Variants in NDUFS1 observed in about 807,000 individuals in gnomAD.
NDUFS1 encodes the protein NADH:ubiquinone oxidoreductase core subunit S1.
NDUFS1 carries 61 observed loss-of-function variants against 84.4 expected under a neutral mutation model. That is an observed-to-expected ratio of 0.72 (90% CI 0.59 to 0.89). The LOEUF (loss-of-function observed/expected upper bound fraction) is 0.89. Among genes scored for constraint, NDUFS1 ranks in the 40% least tolerant of loss-of-function variants. The pLI is 0.00. For synonymous variants in NDUFS1, 275 were observed against 290.0 expected (o/e 0.95, Z 0.53); for missense variants, 891 against 890.0 (o/e 1.00, Z -0.01).
At chr2:206,147,235 AT>A in intron 7 of NDUFS1, 147 bp from the exon 8 acceptor site, 1 of 896,866 alleles carries the variant, frequency 1.1e-6, no homozygotes, top group East Asian at 2.6e-5. Context: ...ATAAAAAATA[AT>A]GAAATGTTTG....
intron 3 of NDUFS1, among the ~76,000 whole-genome samples, chr2:206,152,172 T>C (rs1692395364): frequency 6.6e-6 from 1 of 152,146 alleles, no homozygotes; most frequent in Admixed American, 6.5e-5. Flanking sequence ...TCAAATTTCT[T>C]AATGGGTATT....
Position 206,146,923 on chromosome 2 carries a change from A to G in NDUFS1, c.717T>C (p.Thr239=), listed in dbSNP as rs1239008798. ...GALTSKPYAF[T]ARPWETRKTE... The stretch of plus-strand genomic sequence containing the variant: ...GATACCTTGTTTCCCAAGGCCGGGC[A>G]GTAAAGGCATAGGGCTTAGAGGTTA... Residue 239 remains threonine, a synonymous_variant, in exon 8 of 19, where the codon ACT becomes ACC. Transcript: ENST00000233190. 1.2e-6 allele frequency: 2 copies of G among 1,614,018 alleles called. No homozygotes were observed. Among genetic ancestry groups the G allele is most frequent in the Non-Finnish European group, 1.7e-6 (2 of 1,179,980 alleles).
chr2:206,117,020 G>GA lies in NDUFS1; in HGVS notation c.*7164dup, dbSNP rs977909996. 3.3e-4 allele frequency: 49 copies of GA among 148,768 alleles called. No individual in the cohort carries two copies. The highest frequency in any genetic ancestry group is 4.6e-4 in the Non-Finnish European group (31 of 67,046). 9.2% of individuals were successfully genotyped at this position (148,768 alleles called of 1,614,324 possible). A position where few individuals can be genotyped will look rare whatever the true frequency, so the allele number is the denominator to read the frequency against. ...GGCGACAAACTGAGACTCCGTCTCA[G>GA]AAAAAAAAAATAAATAAATAAAAAT... On this transcript the variant is annotated 3_prime_UTR_variant, in exon 19 of 19. Transcript: ENST00000233190.
intron 2 of NDUFS1, 111 bp from the exon 3 acceptor site, chr2:206,152,621 T>C (rs926519107): frequency 1.2e-6 from 1 of 853,672 alleles, no homozygotes; most frequent in Non-Finnish European, 2.0e-6. Flanking sequence ...TCCTTATTAT[T>C]CCTCTGTATT....
At chr2:206,129,425 G>A (rs1452632993) in intron 15 of NDUFS1, among the ~76,000 whole-genome samples, 1 of 151,904 alleles carries the variant, frequency 6.6e-6, no homozygotes, top group Non-Finnish European at 1.5e-5. Context: ...AACACGCCTA[G>A]CTAATTTTTA....
Position 206,116,449 on chromosome 2 carries a change from C to T in NDUFS1, c.*7736G>A. On this transcript the variant is annotated 3_prime_UTR_variant, in exon 19 of 19. Transcript: ENST00000233190. ...CAGGGCGCGGCAGGTGCCAGGACCA[C>T]GTGCAGGCTGCAGAGCACGGCCCGC... is the stretch of plus-strand genomic sequence containing the variant. 5.1e-6 allele frequency: 5 copies of T among 974,136 alleles called. No individual in the cohort carries two copies. The highest frequency in any genetic ancestry group is 1.4e-5 in the South Asian group (1 of 72,786). The allele number at this position is 974,136 out of a possible 1,614,324, so 60.3% of individuals were successfully genotyped here.
intron 3 of NDUFS1, among the ~76,000 whole-genome samples, chr2:206,150,468 C>T (rs1005629829): frequency 2.6e-5 from 4 of 152,174 alleles, no homozygotes; most frequent in Non-Finnish European, 4.4e-5. Context: ...TTTCTTCCTC[C>T]TTTTAGTCTA....
rs1690940263 is a variant in NDUFS1 at position 206,116,288 on chromosome 2, G to A, written c.*7897C>T. The A allele has an allele frequency of 1.1e-6, 1 of 943,958 alleles. No homozygotes were observed. The allele number at this position is 943,958 out of a possible 1,614,324, so 58.5% of individuals were successfully genotyped here. On this transcript the variant is annotated 3_prime_UTR_variant, in exon 19 of 19. Transcript: ENST00000233190. ...AATTTCGGTTACTTCTCCTGATAAA[G>A]GAGAATAGAGTTCACTAGCAGCTTT... is the stretch of plus-strand genomic sequence containing the variant.
rs1690954632 is a variant in NDUFS1 at position 206,116,722 on chromosome 2, A to G, written c.*7463T>C. The G allele has an allele frequency of 7.5e-6, 2 of 267,740 alleles. No individual in the cohort carries two copies. Among genetic ancestry groups the G allele is most frequent in the Non-Finnish European group, 1.4e-5 (2 of 138,392 alleles). 16.6% of individuals were successfully genotyped at this position (267,740 alleles called of 1,614,324 possible). On this transcript the variant is annotated 3_prime_UTR_variant, in exon 19 of 19. Coordinates refer to ENST00000233190, the MANE Select transcript of NDUFS1 (RefSeq NM_005006.7). The stretch of plus-strand genomic sequence containing the variant: ...GCAACATAGTGAGACCTGTCTCTAT[A>G]AAATATTTTTAAAAATTAGCTGGGC...
chr2:206,139,216 C>T (rs1193746488), intron 12 of NDUFS1, among the ~76,000 whole-genome samples: 1 of 151,966 alleles, frequency 6.6e-6, no homozygotes, highest in Non-Finnish European at 1.5e-5. Context: ...GAGAGAGTCT[C>T]ACTCTGTCAC....
chr2:206,133,979 A>AAAAAC (rs890840769), intron 13 of NDUFS1, among the ~76,000 whole-genome samples: 6 of 152,186 alleles, frequency 3.9e-5, no homozygotes, highest in South Asian at 2.1e-4. Flanking sequence ...ACTCTGTCTC[A>AAAAAC]AAAACAAAAC....
intron 13 of NDUFS1, among the ~76,000 whole-genome samples, chr2:206,135,368 T>C (rs1691666773): frequency 1.3e-5 from 2 of 151,978 alleles, no homozygotes; most frequent in South Asian, 2.1e-4. Flanking sequence ...TGTATTTAAA[T>C]CTATTATAGA....
chr2:206,138,511 CA>C lies in NDUFS1; in HGVS notation c.1365del (p.Ile455MetfsTer12). On this transcript the variant is annotated frameshift_variant, in exon 13 of 19. Transcript: ENST00000233190. LOFTEE classifies it high-confidence loss of function. Reference protein sequence around the residue: ...LGDSPKILQDIASGSHPFSQV... With the variant: ...LGDSPKILQDXASGSHPFSQV... ...TGGCTAAATGGATGGCTTCCCGAAG[CA>C]ATGTCTTGAAGAATTTTGGGGGAGT... 6.2e-7 allele frequency: 1 copy of C among 1,614,096 alleles called. No individual in the cohort carries two copies.
intron 10 of NDUFS1, among the ~76,000 whole-genome samples, chr2:206,143,741 A>G (rs1461773748): frequency 6.6e-6 from 1 of 152,130 alleles, no homozygotes; most frequent in African/African-American, 2.4e-5. Context: ...TACTCCTTAT[A>G]TAATTACTCA....
chr2:206,159,346 C>A lies in NDUFS1; in HGVS notation c.-10G>T. Reference sequence around the variant, plus strand: ...CCATCCATACAAGACCTCACCTTCTCCCCGGAGCCGCGGAGGCTGTTCTGC... The same window carrying A: ...CCATCCATACAAGACCTCACCTTCTACCCGGAGCCGCGGAGGCTGTTCTGC... On this transcript the variant is annotated 5_prime_UTR_variant, in exon 1 of 19. Transcript: ENST00000233190. The A allele has an allele frequency of 1.7e-6, 1 of 601,662 alleles. No individual in the cohort carries two copies. The highest frequency in any genetic ancestry group is 3.0e-6 in the Non-Finnish European group (1 of 338,386). 37.3% of individuals were successfully genotyped at this position (601,662 alleles called of 1,614,324 possible). A position where few individuals can be genotyped will look rare whatever the true frequency, so the allele number is the denominator to read the frequency against.
chr2:206,125,510 T>C (rs1203583100), intron 18 of NDUFS1, among the ~76,000 whole-genome samples: 1 of 151,574 alleles, frequency 6.6e-6, no homozygotes, highest in East Asian at 1.9e-4. Flanking sequence ...TAAACAGTAA[T>C]AATTACATAT....
rs746289681 is a variant in NDUFS1 at position 206,145,007 on chromosome 2, C to T, written c.757G>A (p.Val253Ile). 1.9e-6 allele frequency: 3 copies of T among 1,613,802 alleles called. No individual in the cohort carries two copies. Among genetic ancestry groups the T allele is most frequent in the Non-Finnish European group, 2.5e-6 (3 of 1,179,812 alleles). Reference sequence around the variant, plus strand: ...ATATTACTTCCAACCGCATCCATTACATCAATGGATTCTGTCTTTCTGAGA... The same window carrying T: ...ATATTACTTCCAACCGCATCCATTATATCAATGGATTCTGTCTTTCTGAGA... The part of the protein sequence containing the change: ...WETRKTESID[V>I]MDAVGSNIVV... The change falls in exon 9 of 19, where the codon GTA becomes ATA. Residue 253 changes from valine (V) to isoleucine (I), a missense_variant. Coordinates refer to ENST00000233190, the MANE Select transcript of NDUFS1 (RefSeq NM_005006.7).
chr2:206,141,551 ATAAAAATAAAAAT>A (rs1691953231), intron 12 of NDUFS1, among the ~76,000 whole-genome samples: 1 of 141,450 alleles, frequency 7.1e-6, no homozygotes. Context: ...AAAATAAAAA[ATAAAAATAAAAAT>A]AATTTTTTAA....
chr2:206,116,582 T>G lies in NDUFS1; in HGVS notation c.*7603A>C. On this transcript the variant is annotated 3_prime_UTR_variant, in exon 19 of 19. Coordinates refer to ENST00000233190, the MANE Select transcript of NDUFS1 (RefSeq NM_005006.7). ...GGGGCGGTGTGGGCAGAAGTAAATT[T>G]CTTTATAAATTACCCAGTCTGGGCC... is the stretch of plus-strand genomic sequence containing the variant. 1.8e-6 allele frequency: 1 copy of G among 565,424 alleles called. No individual in the cohort carries two copies. The highest frequency in any genetic ancestry group is 1.9e-5 in the South Asian group (1 of 52,572). The allele number at this position is 565,424 out of a possible 1,614,324, so 35.0% of individuals were successfully genotyped here.
Sources: allele counts gnomAD v4.1 joint callset (sites outside exome capture counted in the v4.1 genomes callset), GRCh38; gene constraint gnomAD v4.1.1; transcripts MANE v1.5; gene names NCBI Gene and HGNC (gene_info 2026-07-23, HGNC 2026-07-21).